The following ZNF444 variants were observed in gnomAD, a reference collection of about 807,000 sequenced individuals.
ZNF444 encodes the protein endothelial zinc finger protein 2.
ZNF444 carries 8 observed loss-of-function variants against 14.4 expected under a neutral mutation model. The observed-to-expected ratio is 0.56, with a 90% confidence interval of 0.33 to 1.00. The LOEUF (loss-of-function observed/expected upper bound fraction) is 1.00, where lower values mean the gene tolerates loss of function less well. Ranked by LOEUF, ZNF444 falls within the 50% of genes least tolerant of loss-of-function variation. The probability of loss-of-function intolerance (pLI) is 0.03; values close to 1 mark genes in which losing one functional copy is unlikely to be tolerated. For synonymous variants in ZNF444, 258 were observed against 235.9 expected (o/e 1.09, Z -0.86); for missense variants, 510 against 504.8 (o/e 1.01, Z -0.10).
At chr19:56,140,270 A>T (rs1230510939), upstream of ZNF444, among the ~76,000 whole-genome samples, 1 of 152,054 alleles carries the variant, frequency 6.6e-6, no homozygotes, top group African/African-American at 2.4e-5. Flanking sequence ...AGGAGGAAAT[A>T]CGCTGCGGGC....
At chr19:56,153,673 T>TG (rs374548207) in intron 3 of ZNF444, among the ~76,000 whole-genome samples, 2 of 151,996 alleles carry the variant, frequency 1.3e-5, no homozygotes, top group African/African-American at 4.8e-5. Context: ...TTAAGACGGA[T>TG]GGGGGCAGGG....
intron 1 of ZNF444, chr19:56,141,920 A>T (rs2030850533): frequency 6.6e-6 from 1 of 152,160 alleles, no homozygotes; most frequent in African/African-American, 2.4e-5. Context: ...CCTGAAGATA[A>T]GAATCGTTGC....
rs1216088689 is a variant in ZNF444, at chr19:56,160,062, A to C, written c.845A>C (p.Glu282Ala). The change falls in exon 5 of 5, where the codon GAG becomes GCG. Residue 282 changes from glutamate to alanine, a missense_variant. By Grantham distance (107) the Glu-to-Ala change is moderately radical. Transcript: ENST00000337080. ...GGAGCGCGGCCCTTTGCCTGCTGGG[A>C]GTGTGGCAAGGGCTTCGGGCGCCGC... ...HSGARPFACWECGKGFGRREH... is the reference protein window; with the variant it reads ...HSGARPFACWACGKGFGRREH... 1 of 1,505,908 alleles carries C rather than the reference A, an allele frequency of 6.6e-7. No homozygotes were observed. The highest frequency in any genetic ancestry group is 2.6e-5 in the East Asian group (1 of 37,838). The allele number at this position is 1,505,908 out of a possible 1,614,324, so 93.3% of individuals were successfully genotyped here. A position where few individuals can be genotyped will look rare whatever the true frequency, so the allele number is the denominator to read the frequency against.
chr19:56,152,188 T>C (rs2031623921), intron 3 of ZNF444, among the ~76,000 whole-genome samples: 1 of 151,968 alleles, frequency 6.6e-6, no homozygotes, highest in Admixed American at 6.6e-5. Context: ...AAAAATCAGC[T>C]GGGCATGGTG....
In ZNF444 at chr19:56,159,221, G is replaced by A. The variant is rs546692316; in HGVS notation, c.407-403G>A. On this transcript the variant is annotated intron_variant, in intron 4 of 4. Transcript: ENST00000337080. ...TCATCTACCCATCCATCACCCATCC[G>A]TCCATCTAGTTATCCACCCACCCAT... Among the ~76,000 whole-genome samples, 8 of 144,078 alleles carry A rather than the reference G, an allele frequency of 5.6e-5. No individual in the cohort carries two copies. In the South Asian group the frequency reaches 1.1e-3, roughly 20 times the overall value. The allele number at this position is 144,078 out of a possible 152,430, so 94.5% of individuals were successfully genotyped here.
chr19:56,145,101 C>T lies in ZNF444; in HGVS notation c.-196-1146C>T, dbSNP rs1600008601. Among the ~76,000 whole-genome samples the T allele has an allele frequency of 6.6e-6, 1 of 152,362 alleles. No homozygotes were observed. The highest frequency in any genetic ancestry group is 1.9e-4 in the East Asian group (1 of 5,184). On this transcript the variant is annotated intron_variant, in intron 1 of 4. Transcript: ENST00000337080. This position sits in a 1 kb window ranked among gnomAD's most constrained non-coding sequence, Gnocchi z 4.3. The stretch of plus-strand genomic sequence containing the variant: ...GCCAGTGAGACTTAAGTAAAACAGG[C>T]TGCAGGCCAGATTCGGCCCACCAGC...
At chr19:56,148,496 T>G (rs998968249) in intron 3 of ZNF444, among the ~76,000 whole-genome samples, 1 of 152,098 alleles carries the variant, frequency 6.6e-6, no homozygotes, top group African/African-American at 2.4e-5. Flanking sequence ...CCGGGCGGCC[T>G]TCCTTCCTTC....
In ZNF444 at chr19:56,147,248, A is replaced by G; in HGVS notation, c.297+40A>G. 7.2e-7 allele frequency: 1 copy of G among 1,397,674 alleles called. No individual in the cohort carries two copies. The highest frequency in any genetic ancestry group is 9.2e-7 in the Non-Finnish European group (1 of 1,081,912). The allele number at this position is 1,397,674 out of a possible 1,614,324, so 86.6% of individuals were successfully genotyped here. On this transcript the variant is annotated intron_variant, in intron 3 of 4. Transcript: ENST00000337080. The surrounding 1 kb of genome is among the most constrained non-coding windows in gnomAD (Gnocchi z 5.9). ...ACTGCAAGCGGGGAAGGGAGAGGGG[A>G]AGGTGCCAGGGAAGCCACCAGGAAG... is the stretch of plus-strand genomic sequence containing the variant.
At chr19:56,141,384 A>C in intron 1 of ZNF444, 27 bp downstream of exon 1, 1 of 6,432 alleles carries the variant, frequency 1.6e-4, no homozygotes, top group Admixed American at 2.1e-3. Context: ...GGAGGGAGGG[A>C]TTGGGTGGGG....
rs2031122216 is a variant in ZNF444 at position 56,145,558 on chromosome 19, C to T, written c.-196-689C>T. Among the ~76,000 whole-genome samples, 1 of 151,978 alleles carries T rather than the reference C, an allele frequency of 6.6e-6. No individual in the cohort carries two copies. Among genetic ancestry groups the T allele is most frequent in the South Asian group, 2.1e-4 (1 of 4,822 alleles). Reference sequence around the variant, plus strand: ...CCAAGATCGCACCATTGCACTCCATCCTGGGCAACAGAGCGAGACTCCATC... The same window carrying T: ...CCAAGATCGCACCATTGCACTCCATTCTGGGCAACAGAGCGAGACTCCATC... On this transcript the variant is annotated intron_variant, in intron 1 of 4. Coordinates refer to ENST00000337080, the MANE Select transcript of ZNF444 (RefSeq NM_018337.4). This position sits in a 1 kb window ranked among gnomAD's most constrained non-coding sequence, Gnocchi z 4.3.
In ZNF444 at chr19:56,144,385, A is replaced by C. The variant is rs2031034218; in HGVS notation, c.-196-1862A>C. ...ATCTGGGAGCAGGCAGAGATGAGAA[A>C]GTAGGGCTGGGCTGCATGGTCTCAT... On this transcript the variant is annotated intron_variant, in intron 1 of 4. Coordinates refer to ENST00000337080, the MANE Select transcript of ZNF444 (RefSeq NM_018337.4). This position sits in a 1 kb window ranked among gnomAD's most constrained non-coding sequence, Gnocchi z 4.0. Among the ~76,000 whole-genome samples the C allele has an allele frequency of 6.6e-6, 1 of 152,180 alleles. No homozygotes were observed. Among genetic ancestry groups the C allele is most frequent in the Non-Finnish European group, 1.5e-5 (1 of 68,028 alleles).
At chr19:56,146,760 C>G (rs2031209528) in intron 2 of ZNF444, 130 bp from the exon 3 acceptor site, 1 of 761,170 alleles carries the variant, frequency 1.3e-6, no homozygotes. Flanking sequence ...GCACTCCAAC[C>G]TGGGGGAAAG....
At chr19:56,140,599 C>T (rs2030736479), upstream of ZNF444, among the ~76,000 whole-genome samples, 1 of 152,180 alleles carries the variant, frequency 6.6e-6, no homozygotes. Context: ...CCACTGCCCA[C>T]CCCGGAACAG....
At chr19:56,142,523 G>A (rs1454520072) in intron 1 of ZNF444, 1 of 152,198 alleles carries the variant, frequency 6.6e-6, no homozygotes, top group African/African-American at 2.4e-5. Context: ...ATGAAAAGAG[G>A]CAGAGATGCT....
Position 56,152,309 on chromosome 19 carries a change from G to A in ZNF444, c.297+5101G>A, listed in dbSNP as rs2031632131. Reference sequence around the variant, plus strand: ...ACTGCACCACCGCACTCCAGCCTGGGCGACAGAGTGAGACTCTGTCTCAAA... The same window carrying A: ...ACTGCACCACCGCACTCCAGCCTGGACGACAGAGTGAGACTCTGTCTCAAA... On this transcript the variant is annotated intron_variant, in intron 3 of 4. Transcript: ENST00000337080. 2.0e-5 allele frequency among the ~76,000 whole-genome samples: 3 copies of A among 150,286 alleles called. No individual in the cohort carries two copies. The South Asian group carries it at 6.3e-4, about 32-fold the overall frequency.
At chr19:56,158,360 C>T (rs911177055) in intron 3 of ZNF444, 134 bp from the exon 4 acceptor site, 8 of 811,728 alleles carry the variant, frequency 9.9e-6, no homozygotes, top group Non-Finnish European at 1.5e-5. Context: ...GGGGCAGCTT[C>T]AGTGTCGCCC....
chr19:56,150,593 A>G (rs894840880), intron 3 of ZNF444: 5 of 443,746 alleles, frequency 1.1e-5, no homozygotes, highest in Non-Finnish European at 2.3e-5. Context: ...TCTCTGGCAC[A>G]TGATACTGGC....
chr19:56,141,995 C>T (rs2030856096), intron 1 of ZNF444, among the ~76,000 whole-genome samples: 1 of 152,060 alleles, frequency 6.6e-6, no homozygotes, highest in African/African-American at 2.4e-5. Flanking sequence ...GCATTATTAC[C>T]TTCGGTAATA....
At chr19:56,133,706 G>C (rs142690294) in intron 1 of ZNF444, among the ~76,000 whole-genome samples, 1,679 of 151,272 alleles carry the variant, frequency 0.011, 34 homozygotes, top group African/African-American at 0.038. Flanking sequence ...CCAGCTACTC[G>C]GGAGGCTGAG....
Sources: gnomAD v4.1 joint callset for allele counts (sites outside exome capture counted in the v4.1 genomes callset) on GRCh38, gnomAD v4.1.1 for gene constraint, Gnocchi (gnomAD v3.1) non-coding constraint, MANE v1.5 for transcripts, NCBI Gene and HGNC (gene_info 2026-07-23, HGNC 2026-07-21) for gene names.